FBXO42: variants seen among roughly 807,000 people sequenced by gnomAD.
FBXO42 encodes the protein F-box only protein 42.
In FBXO42, 12 loss-of-function variants were observed where a neutral mutation model predicts 71.7. The observed-to-expected ratio is 0.17, with a 90% CI of 0.11 to 0.27. FBXO42 has a LOEUF of 0.27. FBXO42 is among the 10% of genes least tolerant of loss of function. FBXO42 has a pLI of 1.00. For synonymous variants in FBXO42, 325 were observed against 327.5 expected (o/e 0.99, Z 0.08); for missense variants, 707 against 911.9 (o/e 0.78, Z 2.89).
chr1:16,349,848 A>T (rs2082683427), intron 1 of FBXO42, among the ~76,000 whole-genome samples: 1 of 152,226 alleles, frequency 6.6e-6, no homozygotes. Context: ...CAAGAGCAAA[A>T]CTATGTCTCA....
rs543712963 is a variant in FBXO42, at chr1:16,252,608, A to C, written c.922-204T>G. Among the ~76,000 whole-genome samples, 3 of 152,350 alleles carry C rather than the reference A, an allele frequency of 2.0e-5. No homozygotes were observed. The East Asian group carries it at 5.8e-4, about 29-fold the overall frequency. ...TTCATTCATATATTACCACTGGCTT[A>C]GCACATGGAATTGTGCTTGTGACCC... is the stretch of plus-strand genomic sequence containing the variant. On this transcript the variant is annotated intron_variant, in intron 8 of 9. Coordinates refer to ENST00000375592, the MANE Select transcript of FBXO42 (RefSeq NM_018994.3). The surrounding 1 kb of genome is among the most constrained non-coding windows in gnomAD (Gnocchi z 4.4).
At chr1:16,298,433 G>C (rs936408319) in intron 3 of FBXO42, among the ~76,000 whole-genome samples, 1 of 152,126 alleles carries the variant, frequency 6.6e-6, no homozygotes, top group Admixed American at 6.6e-5. Flanking sequence ...CTGGTACCAG[G>C]TTGGCTCAGT....
chr1:16,280,922 T>C (rs1199440812), intron 4 of FBXO42, among the ~76,000 whole-genome samples: 1 of 152,208 alleles, frequency 6.6e-6, no homozygotes, highest in Non-Finnish European at 1.5e-5. Context: ...TACCAGGTGA[T>C]TGTGAGCTTT....
At chr1:16,322,829 T>C (rs1401573745) in intron 1 of FBXO42, among the ~76,000 whole-genome samples, 1 of 152,200 alleles carries the variant, frequency 6.6e-6, no homozygotes, top group Non-Finnish European at 1.5e-5. Context: ...TTTGTAAAGA[T>C]AGTAGATATC....
Position 16,253,667 on chromosome 1 carries a change from G to C in FBXO42, c.832C>G (p.Pro278Ala). 6.2e-7 allele frequency: 1 copy of C among 1,614,188 alleles called. No homozygotes were observed. The highest frequency in any genetic ancestry group is 8.5e-7 in the Non-Finnish European group (1 of 1,180,046). Residue 278 changes from proline to alanine, a missense_variant, in exon 7 of 10, where the codon CCC becomes GCC. Around this residue, in one of 5 missense-constraint regions of FBXO42, gnomAD observed 482 missense variants for 587.1 expected, o/e 0.82. Coordinates refer to ENST00000375592, the MANE Select transcript of FBXO42 (RefSeq NM_018994.3). ...TGGCCACCTCGAGGATGAGGACTGG[G>C]GCCAGAGATGTTCGGCTTGGACCAC... ...WAWSKPNISG[P>A]SPHPRGGQSQ...
intron 4 of FBXO42, among the ~76,000 whole-genome samples, chr1:16,263,615 T>C (rs1268184160): frequency 6.6e-6 from 1 of 150,590 alleles, no homozygotes; most frequent in Admixed American, 6.6e-5. Context: ...CCCAGCTTCT[T>C]GTGAGGCTGA....
chr1:16,282,220 CT>C (rs58853820), intron 4 of FBXO42, among the ~76,000 whole-genome samples: 44,988 of 136,088 alleles, frequency 0.33, 6,579 homozygotes, highest in Non-Finnish European at 0.36. Flanking sequence ...GAGACATTTT[CT>C]TTTTTTTTTT....
In FBXO42 at chr1:16,250,768, C is replaced by T; in HGVS notation, c.2056G>A (p.Gly686Ser). The change falls in exon 10 of 10, where the codon GGT (glycine) becomes AGT (serine). Residue 686 changes from glycine (G) to serine (S), a missense_variant. Coordinates refer to ENST00000375592, the MANE Select transcript of FBXO42 (RefSeq NM_018994.3). This position sits in a 1 kb window ranked among gnomAD's most constrained non-coding sequence, Gnocchi z 4.7. The part of the protein sequence containing the change: ...TSLHTVVQGR[G>S]ELIIFGGLMD... ...AGTCCTCCAAATATGATGAGTTCAC[C>T]CCTGCCTTGTACCACGGTATGCAGG... The T allele has an allele frequency of 6.2e-7, 1 of 1,614,062 alleles. No individual in the cohort carries two copies.
chr1:16,279,662 A>G (rs1362010025), intron 4 of FBXO42, among the ~76,000 whole-genome samples: 2 of 152,160 alleles, frequency 1.3e-5, no homozygotes, highest in Admixed American at 6.6e-5. Flanking sequence ...TCAATGGAAC[A>G]TCGAGAACCA....
At chr1:16,324,376 C>T (rs990916179) in intron 1 of FBXO42, among the ~76,000 whole-genome samples, 3 of 152,068 alleles carry the variant, frequency 2.0e-5, no homozygotes, top group Admixed American at 6.6e-5. Context: ...GGGCCAAGGA[C>T]ACATAAATTA....
At chr1:16,307,919 GA>G (rs1379397187) in intron 2 of FBXO42, among the ~76,000 whole-genome samples, 1 of 152,142 alleles carries the variant, frequency 6.6e-6, no homozygotes, top group Non-Finnish European at 1.5e-5. Context: ...ATTATTTTGT[GA>G]ATATCGACAA....
chr1:16,347,292 G>A (rs1375422308), intron 1 of FBXO42, among the ~76,000 whole-genome samples: 2 of 151,598 alleles, frequency 1.3e-5, no homozygotes, highest in African/African-American at 2.4e-5. Context: ...GAGGCAGGTG[G>A]ATCACTTGAA....
intron 4 of FBXO42, chr1:16,294,069 G>A (rs1264745728): frequency 1.3e-5 from 2 of 152,180 alleles, no homozygotes; most frequent in Non-Finnish European, 2.9e-5. Context: ...CCAAATGAAT[G>A]TTTTGGGAAA....
chr1:16,319,378 C>T (rs777624579), intron 1 of FBXO42, among the ~76,000 whole-genome samples: 4 of 152,090 alleles, frequency 2.6e-5, no homozygotes, highest in Non-Finnish European at 4.4e-5. Context: ...AAATTGCTTC[C>T]CAGATAATTT....
At chr1:16,300,517 C>T (rs992068654) in intron 3 of FBXO42, among the ~76,000 whole-genome samples, 4 of 152,150 alleles carry the variant, frequency 2.6e-5, no homozygotes, top group African/African-American at 7.2e-5. Flanking sequence ...CATTTTCAGA[C>T]GTCAAATTCT....
chr1:16,251,150 C>T lies in FBXO42; in HGVS notation c.1674G>A (p.Arg558=), dbSNP rs1287031040. ...AGAVSPGALR[R]SLEAIKAMSS... ...ACATCGCTTTGATGGCTTCCAGACT[C>T]CGACGCAGGGCACCTGGGGAGACGG... Residue 558 remains arginine (R), a synonymous_variant, in exon 10 of 10, where the codon CGG becomes CGA. Transcript: ENST00000375592. This position sits in a 1 kb window ranked among gnomAD's most constrained non-coding sequence, Gnocchi z 4.5. 6.2e-7 allele frequency: 1 copy of T among 1,614,168 alleles called. No homozygotes were observed. The highest frequency in any genetic ancestry group is 8.5e-7 in the Non-Finnish European group (1 of 1,180,046).
rs539414375 is a variant in FBXO42 at position 16,332,532 on chromosome 1, T to C, written c.-17-17097A>G. Among the ~76,000 whole-genome samples, 225 of 150,824 alleles carry C rather than the reference T, an allele frequency of 1.5e-3. 2 individuals carry two copies. Among genetic ancestry groups the C allele is most frequent in the African/African-American group, 5.3e-3 (217 of 41,328 alleles). ...CTCCTATTAACAATGTTTCAACTAA[T>C]GAATTTCTTTTCCTTTTTTTTTTTT... is the stretch of plus-strand genomic sequence containing the variant. On this transcript the variant is annotated intron_variant, in intron 1 of 9. Coordinates refer to ENST00000375592, the MANE Select transcript of FBXO42 (RefSeq NM_018994.3).
chr1:16,284,751 T>C (rs12734151), intron 4 of FBXO42, among the ~76,000 whole-genome samples: 41,527 of 152,120 alleles, frequency 0.27, 6,561 homozygotes, highest in Non-Finnish European at 0.37. Context: ...GAGGATCATC[T>C]GAGGTCGGGA....
intron 4 of FBXO42, among the ~76,000 whole-genome samples, chr1:16,264,658 C>T (rs1439330932): frequency 1.3e-5 from 2 of 152,154 alleles, no homozygotes; most frequent in South Asian, 2.1e-4. Context: ...GGCTTCATTC[C>T]CCAAACACAT....
Sources: allele counts gnomAD v4.1 joint callset (sites outside exome capture counted in the v4.1 genomes callset), GRCh38; gene constraint gnomAD v4.1.1; regional missense constraint gnomAD v4.1.1; non-coding constraint Gnocchi (gnomAD v3.1); transcripts MANE v1.5; gene names NCBI Gene and HGNC (gene_info 2026-07-23, HGNC 2026-07-21).